The following TENM4 variants were observed in gnomAD, a reference collection of about 807,000 sequenced individuals.
TENM4 encodes the protein teneurin transmembrane protein 4.
Under a neutral mutation model 243.3 loss-of-function variants are expected in TENM4, and 82 were observed. That is an observed-to-expected ratio of 0.34 (90% CI 0.28 to 0.40). The LOEUF is 0.40. TENM4 is among the 10% of genes least tolerant of loss of function. The pLI is 1.00. For missense variants in TENM4, 3,138 were observed against 3,673.3 expected, an observed-to-expected ratio of 0.85 and a Z score of 3.77; for synonymous variants, 1,412 against 1,456.3, an observed-to-expected ratio of 0.97 and a Z score of 0.69.
At chr11:78,756,417 C>T in intron 19 of TENM4, 1 of 228,388 alleles carries the variant, frequency 4.4e-6, no homozygotes, top group Admixed American at 5.2e-5. Flanking sequence ...CACCCCCTGC[C>T]TAGCAAAGTC....
chr11:79,095,626 C>T (rs1861059763), intron 4 of TENM4, among the ~76,000 whole-genome samples: 2 of 152,054 alleles, frequency 1.3e-5, no homozygotes, highest in African/African-American at 4.8e-5. Flanking sequence ...GTTTGAGGCC[C>T]CTCTGGTGAC....
At chr11:79,208,082 G>A (rs1030940553) in intron 3 of TENM4, among the ~76,000 whole-genome samples, 1 of 151,892 alleles carries the variant, frequency 6.6e-6, no homozygotes. Context: ...TTAACATCCT[G>A]GAATTCTTGC....
intron 1 of TENM4, among the ~76,000 whole-genome samples, chr11:79,434,407 G>A (rs1246380341): frequency 6.6e-6 from 1 of 151,950 alleles, no homozygotes. Flanking sequence ...AGGTGGGAGG[G>A]GGAAATCCAC....
chr11:79,063,633 T>C (rs1860157495), intron 6 of TENM4, among the ~76,000 whole-genome samples: 1 of 152,250 alleles, frequency 6.6e-6, no homozygotes, highest in African/African-American at 2.4e-5. Flanking sequence ...GCATGAAATA[T>C]ATAGAAGGGG....
intron 6 of TENM4, among the ~76,000 whole-genome samples, chr11:79,034,230 T>C (rs1479862520): frequency 6.6e-6 from 1 of 152,228 alleles, no homozygotes; most frequent in African/African-American, 2.4e-5. Flanking sequence ...GCTTTCATCA[T>C]GTATATGGAA....
chr11:78,930,981 G>A (rs568605918), intron 6 of TENM4, among the ~76,000 whole-genome samples: 28 of 152,236 alleles, frequency 1.8e-4, no homozygotes, highest in African/African-American at 6.3e-4. Context: ...GTAGCCAAGA[G>A]GATTGAGAAT....
intron 28 of TENM4, among the ~76,000 whole-genome samples, chr11:78,697,501 A>C (rs1009956808): frequency 6.6e-6 from 1 of 152,158 alleles, no homozygotes; most frequent in East Asian, 1.9e-4. Context: ...GACCCATTTC[A>C]GTTGAGTTCT....
At chr11:79,391,329 GATGCATTTACTCACCCA>G (rs1336268758) in intron 1 of TENM4, among the ~76,000 whole-genome samples, 1 of 152,084 alleles carries the variant, frequency 6.6e-6, no homozygotes, top group East Asian at 1.9e-4. Flanking sequence ...TGAGCCTGCA[GATGCATTTACTCACCCA>G]ATGTTTCTCA....
intron 1 of TENM4, chr11:79,422,198 AG>A (rs1858947151): frequency 6.5e-6 from 1 of 153,344 alleles, no homozygotes; most frequent in Non-Finnish European, 1.5e-5. Flanking sequence ...TAATGGTGAC[AG>A]GGGCCTGTTA....
At chr11:79,431,700 T>G (rs773929972) in intron 1 of TENM4, among the ~76,000 whole-genome samples, 1 of 152,218 alleles carries the variant, frequency 6.6e-6, no homozygotes, top group Non-Finnish European at 1.5e-5. Flanking sequence ...AGTCTGCCTG[T>G]AGTCATACAT....
chr11:79,180,565 C>T (rs77091748), intron 3 of TENM4, among the ~76,000 whole-genome samples: 2,234 of 151,744 alleles, frequency 0.015, 79 homozygotes, highest in Middle Eastern at 0.066. Flanking sequence ...GTTTGGAGAC[C>T]TTCTGAAACA....
At chr11:78,959,363 C>A (rs1227321182) in intron 6 of TENM4, among the ~76,000 whole-genome samples, 1 of 151,972 alleles carries the variant, frequency 6.6e-6, no homozygotes, top group African/African-American at 2.4e-5. Context: ...TGAAAAAAAT[C>A]AAATTAAAAA....
intron 6 of TENM4, among the ~76,000 whole-genome samples, chr11:78,991,360 G>A (rs1858041123): frequency 6.6e-6 from 1 of 152,096 alleles, no homozygotes; most frequent in Non-Finnish European, 1.5e-5. Flanking sequence ...ACATCTGAGA[G>A]GTAGGTTACT....
chr11:79,100,299 A>C (rs56116312), intron 4 of TENM4, among the ~76,000 whole-genome samples: 2,345 of 152,166 alleles, frequency 0.015, 57 homozygotes, highest in African/African-American at 0.054. Flanking sequence ...CCAGTGGCAG[A>C]TCTGGGTAAC....
intron 1 of TENM4, among the ~76,000 whole-genome samples, chr11:79,342,101 AG>A (rs1857251615): frequency 6.6e-6 from 1 of 152,192 alleles, no homozygotes; most frequent in Non-Finnish European, 1.5e-5. Flanking sequence ...ACAATCACAG[AG>A]GACACTGAGA....
intron 9 of TENM4, among the ~76,000 whole-genome samples, chr11:78,889,256 C>T (rs1250825380): frequency 2.0e-5 from 3 of 152,206 alleles, no homozygotes; most frequent in Non-Finnish European, 4.4e-5. Context: ...TGGTTTAACT[C>T]TGGACCTTGG....
chr11:79,184,134 T>C (rs1310890342), intron 3 of TENM4, among the ~76,000 whole-genome samples: 2 of 152,208 alleles, frequency 1.3e-5, no homozygotes, highest in Non-Finnish European at 2.9e-5. Flanking sequence ...CTGGATAATG[T>C]GATCTATGCA....
intron 3 of TENM4, among the ~76,000 whole-genome samples, chr11:79,206,302 T>C (rs1323788225): frequency 1.3e-5 from 2 of 152,194 alleles, no homozygotes; most frequent in Admixed American, 6.5e-5. Context: ...AGATCTAGAA[T>C]TGCAGGAAAG....
chr11:79,199,917 G>A (rs1863705766), intron 3 of TENM4, among the ~76,000 whole-genome samples: 2 of 152,194 alleles, frequency 1.3e-5, no homozygotes, highest in South Asian at 4.1e-4. Flanking sequence ...GTTCCCTGGG[G>A]TTGGCACCCA....
Sources: allele counts gnomAD v4.1 joint callset (sites outside exome capture counted in the v4.1 genomes callset), GRCh38; gene constraint gnomAD v4.1.1; transcripts MANE v1.5; gene names NCBI Gene and HGNC (gene_info 2026-07-23, HGNC 2026-07-21).